Variants in HCN1 observed in about 807,000 individuals in gnomAD.
The protein encoded by HCN1 is potassium/sodium hyperpolarization-activated cyclic nucleotide-gated channel 1.
Under a neutral mutation model 78.9 loss-of-function variants are expected in HCN1, and 13 were observed. The ratio of observed to expected loss-of-function variants is 0.16; its 90% CI spans 0.11 to 0.26. The LOEUF (loss-of-function observed/expected upper bound fraction) is 0.26. Among genes scored for constraint, HCN1 ranks in the 10% least tolerant of loss-of-function variants. The probability of loss-of-function intolerance (pLI) is 1.00; values close to 1 mark genes in which losing one functional copy is unlikely to be tolerated. For missense variants in HCN1, 810 were observed against 1,154.3 expected, an observed-to-expected ratio of 0.70 and a Z score of 4.32; for synonymous variants, 552 against 455.5, an observed-to-expected ratio of 1.21 and a Z score of -2.70.
intron 1 of HCN1, among the ~76,000 whole-genome samples, chr5:45,683,135 T>A (rs1739736637): frequency 1.2e-5 from 1 of 80,810 alleles, no homozygotes; most frequent in Admixed American, 1.2e-4. Flanking sequence ...TTAATTTTTT[T>A]ATTTTTTTTT....
intron 2 of HCN1, among the ~76,000 whole-genome samples, chr5:45,517,493 G>A (rs1286110897): frequency 7.1e-6 from 1 of 140,274 alleles, no homozygotes; most frequent in East Asian, 2.1e-4. Flanking sequence ...ATCTTCTGTG[G>A]CAGAGATTGT....
In HCN1 at chr5:45,308,866, T is replaced by A. The variant is rs534282982; in HGVS notation, c.1378-5027A>T. ...CTATTTGGGCTAGTTTTTGGTTCCA[T>A]ATGAATTTTAAAACAGTTTTTTCTA... On this transcript the variant is annotated intron_variant, in intron 5 of 7. Transcript: ENST00000303230. 5.9e-5 allele frequency among the ~76,000 whole-genome samples: 9 copies of A among 152,282 alleles called. 1 individual carries two copies. The East Asian group carries it at 1.7e-3, about 29-fold the overall frequency.
At chr5:45,450,096 G>A (rs1406576964) in intron 3 of HCN1, among the ~76,000 whole-genome samples, 3 of 152,190 alleles carry the variant, frequency 2.0e-5, no homozygotes, top group African/African-American at 7.2e-5. Flanking sequence ...CTCCCAAAAT[G>A]CTGGGATTAC....
At chr5:45,401,215 A>G (rs1739797702) in intron 3 of HCN1, among the ~76,000 whole-genome samples, 1 of 152,204 alleles carries the variant, frequency 6.6e-6, no homozygotes, top group African/African-American at 2.4e-5. Flanking sequence ...GTGTAAAAAT[A>G]TACTGTATCA....
intron 2 of HCN1, among the ~76,000 whole-genome samples, chr5:45,554,032 T>A (rs1743424558): frequency 6.6e-6 from 1 of 151,924 alleles, no homozygotes; most frequent in Admixed American, 6.6e-5. Flanking sequence ...CCAAGTTAGC[T>A]ATGGAATTCC....
intron 5 of HCN1, among the ~76,000 whole-genome samples, chr5:45,343,232 T>G (rs951157770): frequency 1.3e-5 from 2 of 152,166 alleles, no homozygotes; most frequent in African/African-American, 4.8e-5. Flanking sequence ...ATAGAGGGAC[T>G]GGAAGATGAG....
At chr5:45,480,312 G>T (rs78255224) in intron 2 of HCN1, among the ~76,000 whole-genome samples, 4,737 of 152,044 alleles carry the variant, frequency 0.031, 282 homozygotes, top group African/African-American at 0.11. Flanking sequence ...TTCATAAGCT[G>T]GTTTGTGTTA....
At chr5:45,476,337 A>G (rs6876061) in intron 2 of HCN1, among the ~76,000 whole-genome samples, 2,463 of 152,140 alleles carry the variant, frequency 0.016, 65 homozygotes, top group African/African-American at 0.056. Flanking sequence ...AAGCCACCCC[A>G]GTCTATGATA....
intron 6 of HCN1, among the ~76,000 whole-genome samples, chr5:45,296,556 A>G (rs963489177): frequency 1.3e-5 from 2 of 151,982 alleles, no homozygotes; most frequent in Non-Finnish European, 1.5e-5. Flanking sequence ...CTTCCATCTT[A>G]GCAAAATAGA....
At chr5:45,637,801 T>TCC (rs1745382264) in intron 2 of HCN1, among the ~76,000 whole-genome samples, 1 of 152,108 alleles carries the variant, frequency 6.6e-6, no homozygotes, top group Non-Finnish European at 1.5e-5. Context: ...GCAAAGAGTT[T>TCC]CTCAGGTTGA....
intron 5 of HCN1, among the ~76,000 whole-genome samples, chr5:45,321,624 C>T (rs1029540228): frequency 3.3e-5 from 5 of 150,076 alleles, no homozygotes; most frequent in Non-Finnish European, 5.9e-5. Flanking sequence ...GAGACTAATA[C>T]CTATTTTTTT....
intron 1 of HCN1, among the ~76,000 whole-genome samples, chr5:45,671,663 A>T (rs1334959862): frequency 1.3e-5 from 2 of 151,528 alleles, no homozygotes; most frequent in African/African-American, 4.8e-5. Flanking sequence ...TAGAATTTAG[A>T]AAAAAGATCA....
At chr5:45,612,707 C>T (rs1744862398) in intron 2 of HCN1, among the ~76,000 whole-genome samples, 1 of 152,106 alleles carries the variant, frequency 6.6e-6, no homozygotes, top group African/African-American at 2.4e-5. Flanking sequence ...TGTCTCAAAG[C>T]CAAAGGATAC....
In HCN1 at chr5:45,474,511, G is replaced by A. The variant is rs140358084; in HGVS notation, c.850-12504C>T. On this transcript the variant is annotated intron_variant, in intron 2 of 7. Coordinates refer to ENST00000303230, the MANE Select transcript of HCN1 (RefSeq NM_021072.4). ...ATCTAGATTTTCCCTCACTTATCCT[G>A]CAATTGGAGATTTCTTTCTAAAACA... Among the ~76,000 whole-genome samples the A allele has an allele frequency of 3.1e-4, 47 of 151,870 alleles. 1 individual carries two copies. In the East Asian group the frequency reaches 7.0e-3, roughly 23 times the overall value.
chr5:45,685,847 C>A (rs1411590317), intron 1 of HCN1, among the ~76,000 whole-genome samples: 1 of 152,180 alleles, frequency 6.6e-6, no homozygotes, highest in Admixed American at 6.5e-5. Context: ...GAAATAGCAG[C>A]ACACCATTTA....
intron 6 of HCN1, among the ~76,000 whole-genome samples, chr5:45,278,339 T>C (rs757731583): frequency 1.3e-5 from 2 of 152,284 alleles, no homozygotes; most frequent in South Asian, 2.1e-4. Flanking sequence ...TTTCTACTTT[T>C]CAGTAATTTG....
At chr5:45,546,484 G>A (rs760944929) in intron 2 of HCN1, among the ~76,000 whole-genome samples, 5 of 151,722 alleles carry the variant, frequency 3.3e-5, no homozygotes, top group East Asian at 1.9e-4. Context: ...GTGACTTTCC[G>A]GACACAGCTC....
chr5:45,683,356 G>T (rs1320553997), intron 1 of HCN1, among the ~76,000 whole-genome samples: 1 of 151,944 alleles, frequency 6.6e-6, no homozygotes, highest in Non-Finnish European at 1.5e-5. Flanking sequence ...ATATCTTAAT[G>T]TATTTATCTT....
At chr5:45,665,262 C>T (rs998525122) in intron 1 of HCN1, among the ~76,000 whole-genome samples, 1 of 137,336 alleles carries the variant, frequency 7.3e-6, no homozygotes, top group Non-Finnish European at 1.5e-5. Context: ...AACACATGGA[C>T]ACAGGAAGGG....
Sources: gnomAD v4.1 joint callset for allele counts (sites outside exome capture counted in the v4.1 genomes callset) on GRCh38, gnomAD v4.1.1 for gene constraint, MANE v1.5 for transcripts, NCBI Gene and HGNC (gene_info 2026-07-23, HGNC 2026-07-21) for gene names.